MAPK10: variants seen among roughly 807,000 people sequenced by gnomAD.
MAPK10 encodes the protein mitogen-activated protein kinase 10, also known as JNK3 alpha protein kinase.
In MAPK10, 25 loss-of-function variants were observed where a neutral mutation model predicts 59.3. The ratio of observed to expected loss-of-function variants is 0.42; its 90% CI spans 0.31 to 0.59. The LOEUF (loss-of-function observed/expected upper bound fraction) is 0.59. Ranked by LOEUF, MAPK10 falls within the 20% of genes least tolerant of loss-of-function variation. The pLI, the probability that MAPK10 is intolerant of heterozygous loss-of-function variation, is 0.15. For missense variants in MAPK10, 351 were observed against 568.9 expected, an observed-to-expected ratio of 0.62 and a Z score of 3.90; for synonymous variants, 190 against 200.5, an observed-to-expected ratio of 0.95 and a Z score of 0.44.
chr4:86,288,790 T>C (rs759048058), intron 2 of MAPK10, among the ~76,000 whole-genome samples: 36 of 152,266 alleles, frequency 2.4e-4, no homozygotes, highest in Non-Finnish European at 4.4e-4. Flanking sequence ...AGTGCTATGA[T>C]AGGTTTTTAA....
At chr4:86,065,802 C>T (rs1271299579) in intron 10 of MAPK10, among the ~76,000 whole-genome samples, 1 of 152,152 alleles carries the variant, frequency 6.6e-6, no homozygotes, top group South Asian at 2.1e-4. Context: ...GGTAAAACAT[C>T]AAATTAAAGA....
At chr4:86,489,859 G>T (rs1754322965) in intron 1 of MAPK10, among the ~76,000 whole-genome samples, 1 of 152,078 alleles carries the variant, frequency 6.6e-6, no homozygotes, top group Non-Finnish European at 1.5e-5. Context: ...CACACATCCT[G>T]AGTCTCTTCC....
At chr4:86,076,998 A>G (rs2049626583) in intron 9 of MAPK10, among the ~76,000 whole-genome samples, 1 of 152,284 alleles carries the variant, frequency 6.6e-6, no homozygotes, top group South Asian at 2.1e-4. Flanking sequence ...CACCCTTAAC[A>G]TAAATTATGA....
chr4:86,517,523 T>C (rs1010640841), intron 1 of MAPK10, among the ~76,000 whole-genome samples: 2 of 151,974 alleles, frequency 1.3e-5, no homozygotes, highest in Admixed American at 6.6e-5. Flanking sequence ...GATCTGCCCT[T>C]CTCGGCCTCC....
chr4:86,178,406 T>C (rs1185328433), intron 3 of MAPK10, among the ~76,000 whole-genome samples: 1 of 152,096 alleles, frequency 6.6e-6, no homozygotes, highest in Non-Finnish European at 1.5e-5. Context: ...TTTTAATGTT[T>C]ATAAGCCTAA....
chr4:86,134,562 T>A (rs1256596793), intron 4 of MAPK10, among the ~76,000 whole-genome samples: 1 of 152,220 alleles, frequency 6.6e-6, no homozygotes, highest in Non-Finnish European at 1.5e-5. Context: ...ATAACAACAT[T>A]CAGTTATTTC....
intron 2 of MAPK10, among the ~76,000 whole-genome samples, chr4:86,271,765 A>G (rs1281159502): frequency 1.3e-5 from 2 of 151,942 alleles, no homozygotes; most frequent in Admixed American, 1.3e-4. Flanking sequence ...AAAAGGGGGG[A>G]AAAGCCCCTA....
At chr4:86,158,993 A>G (rs989278855) in intron 4 of MAPK10, 7 of 215,110 alleles carry the variant, frequency 3.3e-5, no homozygotes, top group African/African-American at 1.6e-4. Flanking sequence ...ATAAAACTCT[A>G]CAAATACATT....
intron 1 of MAPK10, among the ~76,000 whole-genome samples, chr4:86,480,099 C>A (rs1444635448): frequency 5.3e-5 from 8 of 152,286 alleles, no homozygotes; most frequent in African/African-American, 1.9e-4. Flanking sequence ...GCCATCATAT[C>A]CCCTGTGACC....
chr4:86,464,692 C>T (rs554718852), intron 1 of MAPK10, among the ~76,000 whole-genome samples: 81 of 152,046 alleles, frequency 5.3e-4, no homozygotes, highest in Admixed American at 1.3e-3. Flanking sequence ...TGGTGGCGGG[C>T]ACCTCTAGTC....
At chr4:86,503,653 C>T (rs887357238) in intron 1 of MAPK10, among the ~76,000 whole-genome samples, 1 of 152,080 alleles carries the variant, frequency 6.6e-6, no homozygotes, top group Non-Finnish European at 1.5e-5. Context: ...TGCTTCAACG[C>T]TTACCTAATA....
upstream of MAPK10, chr4:86,453,338 C>G (rs1024727778): frequency 6.6e-6 from 1 of 152,640 alleles, no homozygotes; most frequent in Non-Finnish European, 1.5e-5. Flanking sequence ...AGCTGGGAGG[C>G]GGGTAGCCTG....
intron 2 of MAPK10, among the ~76,000 whole-genome samples, chr4:86,354,103 T>A (rs4693144): frequency 6.7e-6 from 1 of 148,376 alleles, no homozygotes; most frequent in Non-Finnish European, 1.5e-5. Context: ...AGAGCTAAAT[T>A]GTGTGTGTGT....
intron 1 of MAPK10, among the ~76,000 whole-genome samples, chr4:86,498,235 C>T (rs1313689921): frequency 2.0e-5 from 3 of 152,208 alleles, no homozygotes; most frequent in African/African-American, 7.2e-5. Flanking sequence ...GGGACTAACC[C>T]TGCAGAGCAA....
At chr4:86,224,402 T>G (rs917425961) in intron 2 of MAPK10, among the ~76,000 whole-genome samples, 8 of 152,220 alleles carry the variant, frequency 5.3e-5, no homozygotes, top group Middle Eastern at 3.4e-3. Context: ...ATATATTAAC[T>G]GAAAGCTTAA....
chr4:86,146,429 T>C (rs2065021848), intron 4 of MAPK10, among the ~76,000 whole-genome samples: 1 of 152,104 alleles, frequency 6.6e-6, no homozygotes, highest in Admixed American at 6.6e-5. Context: ...TGATAGACAT[T>C]TTAGAGAGGG....
At position 86,282,300 on chromosome 4, in the gene MAPK10, G is replaced by A. The variant is rs148904400; in HGVS notation, c.-7+72230C>T. 3.3e-3 allele frequency among the ~76,000 whole-genome samples: 501 copies of A among 152,192 alleles called. 3 individuals are homozygous for A. Among genetic ancestry groups the A allele is most frequent in the African/African-American group, 0.011 (475 of 41,538 alleles). On this transcript the variant is annotated intron_variant, in intron 2 of 13. Transcript: ENST00000641462. ...TGTGTAATGGACAATGTTTATGCAT[G>A]GCTAATCAAGAATTCAGAATTCTAA...
chr4:86,472,398 T>A (rs1162952861), intron 1 of MAPK10, among the ~76,000 whole-genome samples: 1 of 151,954 alleles, frequency 6.6e-6, no homozygotes, highest in Non-Finnish European at 1.5e-5. Flanking sequence ...ATTCACACAA[T>A]AAGGTTTAAA....
chr4:86,579,516 TACACACAC>T lies in MAPK10; in HGVS notation c.-263+14386_-263+14393del, dbSNP rs35878270. ...ATACAAGCAAATATGGATATGTGTATACACACACACACACACACACACACACACACACA... is the reference window on the plus strand; with the variant it reads ...ATACAAGCAAATATGGATATGTGTATACACACACACACACACACACACACA... On this transcript the variant is annotated intron_variant, in intron 1 of 4. Coordinates refer to the MAPK10 transcript ENST00000502302. 4.4e-4 allele frequency among the ~76,000 whole-genome samples: 65 copies of T among 146,290 alleles called. 1 individual carries two copies. The highest frequency in any genetic ancestry group is 3.6e-3 in the Admixed American group (52 of 14,598).
Sources: gnomAD v4.1 joint callset for allele counts (sites outside exome capture counted in the v4.1 genomes callset) on GRCh38, gnomAD v4.1.1 for gene constraint, MANE v1.5 for transcripts, NCBI Gene and HGNC (gene_info 2026-07-23, HGNC 2026-07-21) for gene names.